Variants in PAH observed in about 807,000 individuals in gnomAD.
The protein encoded by PAH is phenylalanine-4-hydroxylase.
In PAH, 64 loss-of-function variants were observed where a neutral mutation model predicts 62.0. The observed-to-expected ratio is 1.03, with a 90% confidence interval of 0.84 to 1.27. The LOEUF (loss-of-function observed/expected upper bound fraction) is 1.27, where lower values mean the gene tolerates loss of function less well. Among genes scored for constraint, PAH ranks in the 50% most tolerant of loss-of-function variants. The pLI is 0.00. For missense variants in PAH, 579 were observed against 542.8 expected (o/e 1.07, Z -0.66); for synonymous variants, 195 against 196.2 (o/e 0.99, Z 0.05).
intron 5 of PAH, among the ~76,000 whole-genome samples, chr12:102,861,909 T>C (rs1046506946): frequency 6.7e-6 from 1 of 148,874 alleles, no homozygotes; most frequent in African/African-American, 2.5e-5. Context: ...ACATGGCACA[T>C]GTATACATAT....
At chr12:102,927,381 ACT>A (rs1173370768) in intron 1 of PAH, among the ~76,000 whole-genome samples, 1 of 148,808 alleles carries the variant, frequency 6.7e-6, no homozygotes, top group Non-Finnish European at 1.5e-5. Context: ...AAACTCACAC[ACT>A]CTCTTGTGAT....
chr12:102,881,881 G>A (rs528828636), intron 3 of PAH, among the ~76,000 whole-genome samples: 1 of 152,136 alleles, frequency 6.6e-6, no homozygotes, highest in Non-Finnish European at 1.5e-5. Flanking sequence ...AGATATGTAG[G>A]TTGTTTCCCT....
upstream of PAH, among the ~76,000 whole-genome samples, chr12:102,955,746 C>T (rs1879891453): frequency 6.6e-6 from 1 of 152,132 alleles, no homozygotes; most frequent in South Asian, 2.1e-4. Context: ...TTCCAGAGAC[C>T]TCTTAGGCCC....
intron 5 of PAH, among the ~76,000 whole-genome samples, chr12:102,861,979 AAAAG>A (rs1183598997): frequency 2.6e-5 from 4 of 151,846 alleles, no homozygotes; most frequent in Non-Finnish European, 5.9e-5. Flanking sequence ...AAAAAAAAAA[AAAAG>A]AAAGACTGTG....
At chr12:102,873,714 C>G (rs1876453457) in intron 4 of PAH, among the ~76,000 whole-genome samples, 1 of 152,018 alleles carries the variant, frequency 6.6e-6, no homozygotes, top group Admixed American at 6.6e-5. Flanking sequence ...AACTGTATTC[C>G]ATGGAAAACT....
chr12:102,939,154 T>C (rs80304327), intron 1 of PAH, among the ~76,000 whole-genome samples: 8,848 of 151,932 alleles, frequency 0.058, 555 homozygotes, highest in African/African-American at 0.15. Flanking sequence ...GCAGAGTAAC[T>C]ATCCCACCTC....
intron 1 of PAH, among the ~76,000 whole-genome samples, chr12:102,931,498 T>G (rs1878873347): frequency 6.6e-6 from 1 of 152,192 alleles, no homozygotes; most frequent in Admixed American, 6.5e-5. Context: ...GGTAAGGATG[T>G]CTTAGGTAGA....
At chr12:102,897,451 A>ATGTG (rs34824304) in intron 2 of PAH, among the ~76,000 whole-genome samples, 179 of 130,298 alleles carry the variant, frequency 1.4e-3, no homozygotes, top group African/African-American at 4.9e-3. Context: ...TCTCATATAT[A>ATGTG]TGTGTGTGTG....
At chr12:102,930,296 G>A (rs1029279777) in intron 1 of PAH, among the ~76,000 whole-genome samples, 2 of 152,124 alleles carry the variant, frequency 1.3e-5, no homozygotes, top group East Asian at 3.9e-4. Context: ...AAGCTTTAGA[G>A]CCTCACATCT....
intron 5 of PAH, 142 bp downstream of exon 5, chr12:102,866,454 C>G (rs966308548): frequency 1.4e-6 from 1 of 738,652 alleles, no homozygotes; most frequent in Non-Finnish European, 2.5e-6. Flanking sequence ...CACACATACA[C>G]GCATGCACAT....
intron 1 of PAH, among the ~76,000 whole-genome samples, chr12:102,944,444 T>G (rs986520851): frequency 2.0e-5 from 3 of 152,198 alleles, no homozygotes; most frequent in African/African-American, 7.2e-5. Flanking sequence ...CATGCTTCAT[T>G]CTTTTTTACT....
At chr12:102,845,988 C>T (rs1826573995) in intron 9 of PAH, among the ~76,000 whole-genome samples, 2 of 152,192 alleles carry the variant, frequency 1.3e-5, no homozygotes, top group African/African-American at 4.8e-5. Flanking sequence ...AGCTCTGTAA[C>T]TTCTTTGAAA....
intron 2 of PAH, among the ~76,000 whole-genome samples, chr12:102,909,045 C>T (rs2136722753): frequency 6.6e-6 from 1 of 152,116 alleles, no homozygotes; most frequent in Middle Eastern, 3.4e-3. Context: ...CCAGGCTGGT[C>T]TTAAACTCCT....
chr12:102,916,262 C>T (rs908609693), intron 1 of PAH, among the ~76,000 whole-genome samples: 1 of 152,146 alleles, frequency 6.6e-6, no homozygotes, highest in East Asian at 1.9e-4. Flanking sequence ...CTACTGAGAA[C>T]TCTTCTCCCT....
chr12:102,840,422 C>A lies in PAH; in HGVS notation c.1293G>T (p.Lys431Asn). 6.2e-7 allele frequency: 1 copy of A among 1,613,566 alleles called. No individual in the cohort carries two copies. The highest frequency in any genetic ancestry group is 2.2e-5 in the East Asian group (1 of 44,882). Residue 431 changes from lysine (K) to asparagine (N), a missense_variant, in exon 12 of 13, where the codon AAG (lysine) becomes AAT (asparagine). Physicochemically the swap from Lys to Asn is moderately conservative, Grantham distance 94. Coordinates refer to ENST00000553106, the MANE Select transcript of PAH (RefSeq NM_000277.3). ...IEVLDNTQQL[K>N]ILADSINSEI... The stretch of plus-strand genomic sequence containing the variant: ...TACTGTTAATGGAATCAGCCAAAAT[C>A]TTAAGCTGCTGGGTATTGTCCAAGA...
intron 1 of PAH, among the ~76,000 whole-genome samples, chr12:102,942,765 A>T (rs573407369): frequency 6.6e-6 from 1 of 152,286 alleles, no homozygotes; most frequent in Non-Finnish European, 1.5e-5. Flanking sequence ...AAAGTTGCAC[A>T]TCTATAATTA....
At chr12:102,867,622 C>T (rs770997825) in intron 4 of PAH, among the ~76,000 whole-genome samples, 6 of 152,200 alleles carry the variant, frequency 3.9e-5, no homozygotes, top group Non-Finnish European at 7.4e-5. Context: ...ACCACTTTAG[C>T]TCACAATTTC....
chr12:102,925,603 A>G (rs1169166685), intron 1 of PAH, among the ~76,000 whole-genome samples: 4 of 152,158 alleles, frequency 2.6e-5, no homozygotes, highest in African/African-American at 9.7e-5. Flanking sequence ...GTCTCATTGC[A>G]GACACAAAGG....
chr12:102,939,214 C>T (rs1446323261), intron 1 of PAH, among the ~76,000 whole-genome samples: 1 of 152,146 alleles, frequency 6.6e-6, no homozygotes. Flanking sequence ...AGTAGAGTTC[C>T]CCCAAGCAAC....
Sources: gnomAD v4.1 joint callset for allele counts (sites outside exome capture counted in the v4.1 genomes callset) on GRCh38, gnomAD v4.1.1 for gene constraint, MANE v1.5 for transcripts, NCBI Gene and HGNC (gene_info 2026-07-23, HGNC 2026-07-21) for gene names.